Variants in NCOA7 observed in about 807,000 individuals in gnomAD.
NCOA7 encodes the protein nuclear receptor coactivator 7.
A neutral mutation model predicts 104.3 loss-of-function variants in NCOA7; 45 were observed. The ratio of observed to expected loss-of-function variants is 0.43; its 90% CI spans 0.34 to 0.55. NCOA7 has a LOEUF of 0.55. NCOA7 is among the 20% of genes least tolerant of loss of function. The pLI is 0.02. For synonymous variants in NCOA7, 398 were observed against 402.3 expected (o/e 0.99, Z 0.13); for missense variants, 1,041 against 1,119.7 (o/e 0.93, Z 1.00).
intron 2 of NCOA7, among the ~76,000 whole-genome samples, chr6:125,839,128 TTGTTTTTGAGACAGAGTATCACTC>T (rs1779887311): frequency 6.6e-6 from 1 of 152,092 alleles, no homozygotes; most frequent in African/African-American, 2.4e-5. Context: ...GTTTGTTTGT[TTGTTTTTGAGACAGAGTATCACTC>T]TGTCACCCAG....
chr6:125,869,325 C>T (rs1055487783), intron 3 of NCOA7, among the ~76,000 whole-genome samples: 1 of 152,004 alleles, frequency 6.6e-6, no homozygotes, highest in South Asian at 2.1e-4. Context: ...CCCCAGTCTT[C>T]CCCCCCACCA....
chr6:125,876,111 A>G (rs1406679975), intron 4 of NCOA7, among the ~76,000 whole-genome samples: 1 of 152,172 alleles, frequency 6.6e-6, no homozygotes, highest in Non-Finnish European at 1.5e-5. Context: ...TATTTTCCTA[A>G]TGTGTACTTA....
intron 1 of NCOA7, among the ~76,000 whole-genome samples, chr6:125,797,211 C>A (rs960920118): frequency 1.3e-5 from 2 of 152,132 alleles, no homozygotes; most frequent in African/African-American, 4.8e-5. Context: ...TGAACATTGA[C>A]CCTGATAGAT....
chr6:125,886,170 A>G (rs1784243199), intron 8 of NCOA7, among the ~76,000 whole-genome samples: 1 of 151,432 alleles, frequency 6.6e-6, no homozygotes, highest in Non-Finnish European at 1.5e-5. Flanking sequence ...ATATGAAAAA[A>G]AAAAAAAAAA....
At chr6:125,822,273 T>G (rs556459790) in intron 2 of NCOA7, among the ~76,000 whole-genome samples, 1 of 152,366 alleles carries the variant, frequency 6.6e-6, no homozygotes, top group East Asian at 1.9e-4. Context: ...TAGAACAGTT[T>G]TAAGTACTTG....
intron 13 of NCOA7, 79 bp from the exon 14 acceptor site, chr6:125,927,584 G>T: frequency 9.6e-7 from 1 of 1,042,994 alleles, no homozygotes; most frequent in Non-Finnish European, 1.5e-6. Context: ...AGAACATGAT[G>T]TATCAAAAAT....
intron 1 of NCOA7, among the ~76,000 whole-genome samples, chr6:125,785,807 T>C (rs1037220457): frequency 1.3e-5 from 2 of 152,240 alleles, no homozygotes; most frequent in Admixed American, 6.5e-5. Context: ...AAAAATTTAT[T>C]GGGCTAACTC....
At chr6:125,901,521 C>T (rs1221233656) in intron 10 of NCOA7, among the ~76,000 whole-genome samples, 2 of 152,214 alleles carry the variant, frequency 1.3e-5, no homozygotes, top group Non-Finnish European at 2.9e-5. Context: ...GGGGAGCACG[C>T]AGGTGAGTGG....
intron 10 of NCOA7, 65 bp downstream of exon 10, chr6:125,890,875 T>C: frequency 7.3e-7 from 1 of 1,366,196 alleles, no homozygotes; most frequent in Non-Finnish European, 9.7e-7. Context: ...TTGATATTCT[T>C]TATCTTAAAA....
chr6:125,892,013 G>A (rs143992452), intron 10 of NCOA7, among the ~76,000 whole-genome samples: 6 of 152,236 alleles, frequency 3.9e-5, no homozygotes, highest in Non-Finnish European at 8.8e-5. Context: ...CTGAAGCTCT[G>A]TTAAAATTGG....
chr6:125,897,499 CTATTA>C (rs911661467), intron 10 of NCOA7, among the ~76,000 whole-genome samples: 3 of 152,234 alleles, frequency 2.0e-5, no homozygotes, highest in African/African-American at 7.2e-5. Context: ...TTTCTATTCT[CTATTA>C]TTTTTCCTGG....
intron 12 of NCOA7, among the ~76,000 whole-genome samples, chr6:125,921,435 G>A (rs1431654193): frequency 2.0e-5 from 3 of 151,818 alleles, no homozygotes; most frequent in Non-Finnish European, 4.4e-5. Flanking sequence ...TCCCATCCCT[G>A]AATGCATTTG....
intron 1 of NCOA7, 75 bp from the exon 2 acceptor site, chr6:125,815,216 C>T: frequency 1.8e-6 from 1 of 551,504 alleles, no homozygotes; most frequent in Non-Finnish European, 3.2e-6. Context: ...CCATGTAGTT[C>T]TACTCCATTT....
intron 11 of NCOA7, among the ~76,000 whole-genome samples, 194 bp from the exon 12 acceptor site, chr6:125,920,749 G>A (rs112094824): frequency 4.6e-5 from 7 of 152,184 alleles, no homozygotes; most frequent in African/African-American, 1.7e-4. Context: ...TAACTGCCTC[G>A]ATTGTACTGT....
intron 2 of NCOA7, among the ~76,000 whole-genome samples, chr6:125,825,841 C>T (rs1203288134): frequency 6.6e-6 from 1 of 152,004 alleles, no homozygotes; most frequent in Admixed American, 6.6e-5. Flanking sequence ...TAAACCACAA[C>T]TCTAAGTTTA....
chr6:125,845,580 C>T (rs779008499), intron 2 of NCOA7, among the ~76,000 whole-genome samples: 1 of 152,062 alleles, frequency 6.6e-6, no homozygotes, highest in Non-Finnish European at 1.5e-5. Flanking sequence ...TAGAGACCAT[C>T]CTGGTCAACA....
chr6:125,925,086 A>G (rs1165018154), intron 13 of NCOA7, among the ~76,000 whole-genome samples: 1 of 152,194 alleles, frequency 6.6e-6, no homozygotes, highest in Non-Finnish European at 1.5e-5. Context: ...GCACCAGATG[A>G]GGCAAGCCAA....
At chr6:125,790,799 G>T (rs943985834), upstream of NCOA7, 1 of 152,262 alleles carries the variant, frequency 6.6e-6, no homozygotes, top group Non-Finnish European at 1.5e-5. Context: ...GGGCTGGCGA[G>T]GCGTCGCGCG....
At chr6:125,833,759 T>C (rs1409654087) in intron 2 of NCOA7, among the ~76,000 whole-genome samples, 1 of 152,120 alleles carries the variant, frequency 6.6e-6, no homozygotes, top group Non-Finnish European at 1.5e-5. Context: ...CATGCAGTTC[T>C]AATAAAAGGA....
Sources: gnomAD v4.1 joint callset for allele counts (sites outside exome capture counted in the v4.1 genomes callset) on GRCh38, gnomAD v4.1.1 for gene constraint, MANE v1.5 for transcripts, NCBI Gene and HGNC (gene_info 2026-07-23, HGNC 2026-07-21) for gene names.